Variants in PALM2AKAP2 observed in about 807,000 individuals in gnomAD.
The protein encoded by PALM2AKAP2 is PALM2-AKAP2 fusion protein.
PALM2AKAP2 carries 37 observed loss-of-function variants against 71.5 expected under a neutral mutation model. The observed-to-expected ratio is 0.52, with a 90% CI of 0.40 to 0.68. The LOEUF (loss-of-function observed/expected upper bound fraction) is 0.68, where lower values mean the gene tolerates loss of function less well. Ranked by LOEUF, PALM2AKAP2 falls within the 30% of genes least tolerant of loss-of-function variation. The pLI is 0.00. For synonymous variants in PALM2AKAP2, 468 were observed against 478.8 expected, an observed-to-expected ratio of 0.98 and a Z score of 0.29; for missense variants, 1,224 against 1,191.8, an observed-to-expected ratio of 1.03 and a Z score of -0.40.
chr9:109,932,034 T>G lies in PALM2AKAP2; in HGVS notation c.496+6T>G, dbSNP rs1353469153. On this transcript the variant is annotated splice_donor_region_variant and intron_variant, in intron 6 of 9. Coordinates refer to the PALM2AKAP2 transcript ENST00000302798. ...CGGGACCAGCAGAGCGGCTGGTAAG[T>G]CCTGGGGACCTTTGGACGCTAGGAT... 1 of 1,610,808 alleles carries G rather than the reference T, an allele frequency of 6.2e-7. No homozygotes were observed. Among genetic ancestry groups the G allele is most frequent in the African/African-American group, 1.3e-5 (1 of 74,894 alleles).
At chr9:109,731,027 C>T (rs1587886195) in intron 1 of PALM2AKAP2, among the ~76,000 whole-genome samples, 1 of 152,300 alleles carries the variant, frequency 6.6e-6, no homozygotes, top group African/African-American at 2.4e-5. Flanking sequence ...CAAATGCTAA[C>T]CAACCATCCT....
chr9:109,696,242 C>T (rs1469634813), intron 1 of PALM2AKAP2, among the ~76,000 whole-genome samples: 1 of 151,870 alleles, frequency 6.6e-6, no homozygotes, highest in Non-Finnish European at 1.5e-5. Context: ...ACTCATGTTT[C>T]AGCAAGAAAA....
At chr9:110,132,032 CGTGTGTGTGTGTGT>C (rs3063946) in intron 1 of PALM2AKAP2, among the ~76,000 whole-genome samples, 19 of 147,538 alleles carry the variant, frequency 1.3e-4, no homozygotes, top group South Asian at 6.6e-4. Context: ...AAGTAACTAG[CGTGTGTGTGTGTGT>C]GTGTGTGTGT....
At chr9:110,079,594 A>G (rs1406929577) in intron 1 of PALM2AKAP2, among the ~76,000 whole-genome samples, 2 of 152,182 alleles carry the variant, frequency 1.3e-5, no homozygotes, top group African/African-American at 4.8e-5. Flanking sequence ...TTGGGGAAAA[A>G]AAAATCATCA....
chr9:109,718,217 A>G (rs543215563), intron 1 of PALM2AKAP2, among the ~76,000 whole-genome samples: 116 of 152,024 alleles, frequency 7.6e-4, no homozygotes, highest in Non-Finnish European at 1.4e-3. Flanking sequence ...AGTAGCTGAG[A>G]CTGCAGGTGC....
chr9:109,680,715 C>G (rs1827714670), intron 1 of PALM2AKAP2, among the ~76,000 whole-genome samples: 1 of 152,028 alleles, frequency 6.6e-6, no homozygotes, highest in Non-Finnish European at 1.5e-5. Context: ...AATTTAAAAG[C>G]TGTGGTGTGC....
intron 1 of PALM2AKAP2, among the ~76,000 whole-genome samples, chr9:109,841,374 G>T (rs542227277): frequency 1.3e-5 from 2 of 148,472 alleles, no homozygotes; most frequent in East Asian, 2.0e-4. Context: ...TGTGGGGTGG[G>T]GGTAGGGGGG....
chr9:109,868,957 G>T (rs890449099), intron 2 of PALM2AKAP2, among the ~76,000 whole-genome samples: 2 of 152,152 alleles, frequency 1.3e-5, no homozygotes, highest in African/African-American at 2.4e-5. Flanking sequence ...ATTGTTCAAG[G>T]TCAATCTGCA....
intron 3 of PALM2AKAP2, among the ~76,000 whole-genome samples, chr9:109,916,292 A>G (rs1830690200): frequency 6.6e-6 from 1 of 152,350 alleles, no homozygotes; most frequent in Middle Eastern, 3.4e-3. Context: ...ACGGGTCCCC[A>G]GCAGCCAGCA....
intron 1 of PALM2AKAP2, among the ~76,000 whole-genome samples, chr9:109,740,940 C>G (rs555748733): frequency 1.7e-4 from 26 of 152,314 alleles, no homozygotes; most frequent in African/African-American, 3.8e-4. Context: ...GTGTGAGCCA[C>G]TGCACCCGGT....
At chr9:110,147,814 G>A (rs1414054252) in intron 2 of PALM2AKAP2, among the ~76,000 whole-genome samples, 1 of 152,194 alleles carries the variant, frequency 6.6e-6, no homozygotes, top group Non-Finnish European at 1.5e-5. Flanking sequence ...AATTATTTGT[G>A]AGTTGCTCTT....
At chr9:110,137,944 G>A in exon 2 of PALM2AKAP2, 1 of 1,614,194 alleles carries the variant, frequency 6.2e-7, no homozygotes, top group East Asian at 2.2e-5. Flanking sequence ...TGGAGTATCA[G>A]GCTGGCCTCC....
intron 3 of PALM2AKAP2, among the ~76,000 whole-genome samples, chr9:110,160,984 G>T (rs1157285468): frequency 1.3e-5 from 2 of 152,146 alleles, no homozygotes; most frequent in African/African-American, 4.8e-5. Context: ...TCCAGACCAG[G>T]ACATGCATTG....
chr9:109,659,149 T>G (rs190004084), intron 1 of PALM2AKAP2, among the ~76,000 whole-genome samples: 70 of 151,574 alleles, frequency 4.6e-4, no homozygotes, highest in African/African-American at 1.7e-3. Flanking sequence ...GGGATTTTTT[T>G]GTGTGTGAAG....
intron 3 of PALM2AKAP2, 95 bp downstream of exon 9, chr9:110,156,592 G>T: frequency 7.1e-7 from 1 of 1,416,576 alleles, no homozygotes; most frequent in Non-Finnish European, 9.3e-7. Context: ...GTATGTCGTT[G>T]TCTGGTCAGC....
intron 1 of PALM2AKAP2, among the ~76,000 whole-genome samples, chr9:109,677,661 C>CT (rs1293890252): frequency 5.6e-5 from 8 of 141,694 alleles, no homozygotes; most frequent in African/African-American, 2.2e-4. Context: ...GAGTGGGACT[C>CT]TGTCTCAAAA....
chr9:109,713,830 G>A (rs1402582297), intron 1 of PALM2AKAP2, among the ~76,000 whole-genome samples: 1 of 152,078 alleles, frequency 6.6e-6, no homozygotes, highest in Non-Finnish European at 1.5e-5. Flanking sequence ...CTGTAATGGT[G>A]GATATTTTTA....
chr9:109,826,524 A>G (rs993483799), intron 1 of PALM2AKAP2, among the ~76,000 whole-genome samples: 1 of 152,306 alleles, frequency 6.6e-6, no homozygotes. Context: ...GTTTTAGAAG[A>G]TAGTGATGCT....
intron 6 of PALM2AKAP2, among the ~76,000 whole-genome samples, chr9:109,965,411 G>A (rs562233246): frequency 1.2e-4 from 18 of 152,264 alleles, no homozygotes; most frequent in African/African-American, 3.4e-4. Context: ...AGCCATAAAA[G>A]GAATGAAATT....
Sources: allele counts gnomAD v4.1 joint callset (sites outside exome capture counted in the v4.1 genomes callset), GRCh38; gene constraint gnomAD v4.1.1; transcripts MANE v1.5; gene names NCBI Gene and HGNC (gene_info 2026-07-23, HGNC 2026-07-21).